The following EYA2 variants were observed in gnomAD, a reference collection of about 807,000 sequenced individuals.
The protein encoded by EYA2 is protein phosphatase EYA2.
In EYA2, 31 loss-of-function variants were observed where a neutral mutation model predicts 69.2. That is an observed-to-expected ratio of 0.45 (90% CI 0.34 to 0.60). The LOEUF is 0.60. Ranked by LOEUF, EYA2 falls within the 20% of genes least tolerant of loss-of-function variation. The pLI is 0.02. For synonymous variants in EYA2, 257 were observed against 279.4 expected (o/e 0.92, Z 0.80); for missense variants, 622 against 701.2 (o/e 0.89, Z 1.28).
In EYA2 at chr20:46,918,277, C is replaced by A. The variant is rs111545053; in HGVS notation, c.-11+23290C>A. On this transcript the variant is annotated intron_variant, in intron 1 of 15. Transcript: ENST00000327619. ...CGGAGCTTGCAGTGAGCCGAGATCG[C>A]GCCAGTGCACTCCAGCCTGGGCGAC... Among the ~76,000 whole-genome samples, 747 of 151,614 alleles carry A rather than the reference C, an allele frequency of 4.9e-3. 11 individuals carry two copies. Among genetic ancestry groups the A allele is most frequent in the African/African-American group, 0.017 (708 of 41,422 alleles).
intron 4 of EYA2, among the ~76,000 whole-genome samples, chr20:47,013,044 C>A (rs755224661): frequency 1.3e-4 from 20 of 152,202 alleles, no homozygotes; most frequent in Admixed American, 6.5e-5. Flanking sequence ...ATGATCCAAC[C>A]CCTTCAGCAA....
intron 9 of EYA2, among the ~76,000 whole-genome samples, chr20:47,097,465 G>A (rs942978851): frequency 1.3e-5 from 2 of 152,190 alleles, no homozygotes; most frequent in Non-Finnish European, 2.9e-5. Flanking sequence ...TAAGACAGTG[G>A]GCTATGGTGC....
At chr20:46,947,605 C>T (rs1316441628) in intron 1 of EYA2, among the ~76,000 whole-genome samples, 1 of 152,178 alleles carries the variant, frequency 6.6e-6, no homozygotes, top group Non-Finnish European at 1.5e-5. Context: ...ATTTATTGCT[C>T]CTGCTCCACG....
intron 1 of EYA2, among the ~76,000 whole-genome samples, chr20:46,916,664 T>C (rs1231113042): frequency 6.6e-6 from 1 of 152,026 alleles, no homozygotes; most frequent in East Asian, 1.9e-4. Flanking sequence ...TGAGCTGGGT[T>C]GAGATTGAGG....
intron 9 of EYA2, among the ~76,000 whole-genome samples, chr20:47,134,657 G>A (rs1568799792): frequency 2.0e-5 from 3 of 152,086 alleles, no homozygotes; most frequent in South Asian, 2.1e-4. Flanking sequence ...CTGATAGTTC[G>A]TTGTCTATTG....
chr20:47,154,402 G>T (rs888398687), intron 10 of EYA2, among the ~76,000 whole-genome samples: 1 of 152,020 alleles, frequency 6.6e-6, no homozygotes, highest in East Asian at 2.0e-4. Context: ...TTTGGGAGGA[G>T]ACACAAACGT....
intron 5 of EYA2, among the ~76,000 whole-genome samples, chr20:47,028,248 TC>T: frequency 6.6e-6 from 1 of 152,354 alleles, no homozygotes; most frequent in Middle Eastern, 3.4e-3. Flanking sequence ...CTTCTTGGAC[TC>T]CAGAACTATG....
intron 9 of EYA2, among the ~76,000 whole-genome samples, chr20:47,115,398 A>G (rs2032861801): frequency 6.6e-6 from 1 of 152,000 alleles, no homozygotes; most frequent in African/African-American, 2.4e-5. Flanking sequence ...GAATTCTTAG[A>G]ATATTCTTCA....
intron 1 of EYA2, among the ~76,000 whole-genome samples, chr20:46,963,435 C>T (rs529799383): frequency 6.6e-6 from 1 of 152,188 alleles, no homozygotes; most frequent in Non-Finnish European, 1.5e-5. Context: ...CAGCAGCAGA[C>T]AGAACCGACA....
At chr20:47,132,249 G>A (rs949024308) in intron 9 of EYA2, among the ~76,000 whole-genome samples, 11 of 152,138 alleles carry the variant, frequency 7.2e-5, no homozygotes, top group South Asian at 2.1e-4. Flanking sequence ...TGCCCCCAGC[G>A]AGGTGTTTTA....
intron 1 of EYA2, among the ~76,000 whole-genome samples, chr20:46,914,965 G>A (rs1012340897): frequency 2.6e-5 from 4 of 152,302 alleles, no homozygotes; most frequent in Admixed American, 6.5e-5. Flanking sequence ...GGGGCCGTGC[G>A]TGGGACATCG....
At chr20:47,083,502 A>G (rs2031790777) in intron 7 of EYA2, among the ~76,000 whole-genome samples, 1 of 148,090 alleles carries the variant, frequency 6.8e-6, no homozygotes, top group Non-Finnish European at 1.5e-5. Flanking sequence ...CCCTTGAACC[A>G]GGGAGGTGGA....
intron 1 of EYA2, among the ~76,000 whole-genome samples, chr20:46,983,773 T>G (rs1600607132): frequency 1.3e-5 from 2 of 152,310 alleles, no homozygotes; most frequent in East Asian, 3.9e-4. Flanking sequence ...CCCATAAGAC[T>G]GGAAAACTCT....
At chr20:47,156,063 TACAC>T (rs1160203854) in intron 10 of EYA2, among the ~76,000 whole-genome samples, 14 of 45,620 alleles carry the variant, frequency 3.1e-4, no homozygotes, top group Non-Finnish European at 4.7e-4. Flanking sequence ...TATATATACA[TACAC>T]ACACACACAC....
At chr20:47,154,575 A>G (rs2033883736) in intron 10 of EYA2, among the ~76,000 whole-genome samples, 1 of 151,940 alleles carries the variant, frequency 6.6e-6, no homozygotes, top group Admixed American at 6.5e-5. Context: ...TGCCAGGGAC[A>G]GTGATGTCCG....
At chr20:47,018,466 G>C (rs562193664) in intron 5 of EYA2, among the ~76,000 whole-genome samples, 1 of 152,358 alleles carries the variant, frequency 6.6e-6, no homozygotes, top group South Asian at 2.1e-4. Flanking sequence ...GATAAAGCCT[G>C]TGACAGACAA....
At chr20:46,953,832 C>T (rs1370103661) in intron 1 of EYA2, among the ~76,000 whole-genome samples, 1 of 152,128 alleles carries the variant, frequency 6.6e-6, no homozygotes. Context: ...GCATAGATCG[C>T]GTGAATAAGT....
chr20:47,102,393 C>T (rs1186198589), intron 9 of EYA2, among the ~76,000 whole-genome samples: 1 of 152,150 alleles, frequency 6.6e-6, no homozygotes, highest in Non-Finnish European at 1.5e-5. Flanking sequence ...TGGAGTAATC[C>T]TTCCAGAAGA....
chr20:47,026,682 A>G (rs1212515221), intron 5 of EYA2, among the ~76,000 whole-genome samples: 2 of 152,230 alleles, frequency 1.3e-5, no homozygotes, highest in African/African-American at 2.4e-5. Context: ...AGGGCCGAGC[A>G]GTAATGTAAA....
Sources: gnomAD v4.1 joint callset for allele counts (sites outside exome capture counted in the v4.1 genomes callset) on GRCh38, gnomAD v4.1.1 for gene constraint, MANE v1.5 for transcripts, NCBI Gene and HGNC (gene_info 2026-07-23, HGNC 2026-07-21) for gene names.